The following TRAF2 variants were observed in gnomAD, a reference collection of about 807,000 sequenced individuals.
TRAF2 encodes TNF receptor associated factor 2, also known as TNF receptor-associated factor 2.
TRAF2 carries 6 observed loss-of-function variants against 55.6 expected under a neutral mutation model. That is an observed-to-expected ratio of 0.11 (90% CI 0.06 to 0.21). The LOEUF is 0.21. Among genes scored for constraint, TRAF2 ranks in the 10% least tolerant of loss-of-function variants. The pLI, the probability that TRAF2 is intolerant of heterozygous loss-of-function variation, is 1.00. For missense variants in TRAF2, 561 were observed against 684.5 expected (o/e 0.82, Z 2.01); for synonymous variants, 329 against 276.3 (o/e 1.19, Z -1.89).
chr9:136,926,385 C>T lies in TRAF2; in HGVS notation c.*484C>T, dbSNP rs910643209. ...AGGCTGAGCAGCTTGGTTCTCCCCT[C>T]TGGCCCCTGGAGAGAAGGGAGCATT... On this transcript the variant is annotated 3_prime_UTR_variant, in exon 11 of 11. Coordinates refer to ENST00000247668, the MANE Select transcript of TRAF2 (RefSeq NM_021138.4). 6.3e-5 allele frequency: 19 copies of T among 300,838 alleles called. No individual in the cohort carries two copies. Among genetic ancestry groups the T allele is most frequent in the Non-Finnish European group, 1.3e-5 (2 of 154,116 alleles). The allele number at this position is 300,838 out of a possible 1,614,324, so 18.6% of individuals were successfully genotyped here.
chr9:136,924,027 A>G (rs372478004), intron 10 of TRAF2, 27 bp downstream of exon 10: 3 of 1,609,148 alleles, frequency 1.9e-6, no homozygotes, highest in Admixed American at 1.7e-5. Flanking sequence ...AGGCTTCGCT[A>G]GGGCCGCACC....
intron 6 of TRAF2, among the ~76,000 whole-genome samples, chr9:136,916,225 C>T (rs968916928): frequency 7.2e-5 from 11 of 152,070 alleles, no homozygotes; most frequent in African/African-American, 2.4e-4. Flanking sequence ...GCCCTGAGGC[C>T]TCAGCACCGC....
chr9:136,916,713 C>T, intron 7 of TRAF2, 98 bp downstream of exon 7: 1 of 1,183,440 alleles, frequency 8.4e-7, no homozygotes, highest in South Asian at 1.2e-5. Context: ...CCAGCTGCTC[C>T]TCAGCCACCT....
At chr9:136,900,307 G>T (rs1207115597) in intron 3 of TRAF2, 115 bp from the exon 4 acceptor site, 1 of 641,774 alleles carries the variant, frequency 1.6e-6, no homozygotes. Flanking sequence ...TCCTGGAGTG[G>T]CCTGGAAAGG....
intron 9 of TRAF2, among the ~76,000 whole-genome samples, chr9:136,922,720 G>GT (rs1305430895): frequency 7.0e-6 from 1 of 143,266 alleles, no homozygotes; most frequent in African/African-American, 2.6e-5. Flanking sequence ...TGGGCACGTG[G>GT]TGGAGGACGG....
At chr9:136,899,300 T>C (rs1243440061) in intron 2 of TRAF2, among the ~76,000 whole-genome samples, 1 of 152,240 alleles carries the variant, frequency 6.6e-6, no homozygotes, top group Admixed American at 6.5e-5. Flanking sequence ...GTGTGGCCTG[T>C]GCACATCGGC....
At chr9:136,898,971 G>A in intron 2 of TRAF2, 43 bp downstream of exon 2, 1 of 1,548,990 alleles carries the variant, frequency 6.5e-7, no homozygotes, top group Non-Finnish European at 8.7e-7. Context: ...AGGCAGGCTA[G>A]GCTGGTTTTA....
intron 1 of TRAF2, 199 bp downstream of exon 1, chr9:136,886,740 A>G: frequency 3.3e-6 from 1 of 300,074 alleles, no homozygotes; most frequent in Non-Finnish European, 4.9e-6. Flanking sequence ...CCGGAAACCA[A>G]GTCCGAGCGT....
At chr9:136,905,207 C>G (rs1397615734) in intron 4 of TRAF2, among the ~76,000 whole-genome samples, 2 of 152,260 alleles carry the variant, frequency 1.3e-5, no homozygotes, top group Non-Finnish European at 2.9e-5. Context: ...GCCCCGCAGC[C>G]AGGTCCTCTG....
At chr9:136,899,777 C>G in intron 3 of TRAF2, 105 bp downstream of exon 3, 1 of 1,113,754 alleles carries the variant, frequency 9.0e-7, no homozygotes, top group Non-Finnish European at 1.3e-6. Context: ...GTAATCCCAG[C>G]ACTTTGGGAG....
rs763599580 is a variant in TRAF2, at chr9:136,909,982, C to T, written c.591C>T (p.Ile197=). ...GTGACGGCTGCGGCAAGAAGAAGATCCCCCGGGAGAAGGTGAGTGTCCTTC... is the reference window on the plus strand; with the variant it reads ...GTGACGGCTGCGGCAAGAAGAAGATTCCCCGGGAGAAGGTGAGTGTCCTTC... ...LTCDGCGKKK[I]PREKFQDHVK... The change falls in exon 6 of 11, where the codon ATC becomes ATT. Residue 197 remains isoleucine, a synonymous_variant. Coordinates refer to ENST00000247668, the MANE Select transcript of TRAF2 (RefSeq NM_021138.4). 5.0e-6 allele frequency: 8 copies of T among 1,613,920 alleles called. No homozygotes were observed. Among genetic ancestry groups the T allele is most frequent in the Non-Finnish European group, 6.8e-6 (8 of 1,179,920 alleles).
At chr9:136,890,175 C>T (rs1303688480) in intron 1 of TRAF2, among the ~76,000 whole-genome samples, 1 of 142,348 alleles carries the variant, frequency 7.0e-6, no homozygotes, top group African/African-American at 2.6e-5. Context: ...CCCCACCGCA[C>T]GCTCGTTCAG....
In TRAF2 at chr9:136,898,725, G is replaced by C. The variant is rs376785145; in HGVS notation, c.-16G>C. 6.2e-7 allele frequency: 1 copy of C among 1,612,744 alleles called. No individual in the cohort carries two copies. The highest frequency in any genetic ancestry group is 1.1e-5 in the South Asian group (1 of 91,056). Reference sequence around the variant, plus strand: ...TGTTCTTCCTTAGGGCTTTGTTCGCGGGGGTCACAGCTCTCATGGCTGCAG... The same window carrying C: ...TGTTCTTCCTTAGGGCTTTGTTCGCCGGGGTCACAGCTCTCATGGCTGCAG... On this transcript the variant is annotated 5_prime_UTR_variant, in exon 2 of 11. Transcript: ENST00000247668.
chr9:136,919,042 A>ATATTTATTTATTTATT (rs57654341), intron 7 of TRAF2, among the ~76,000 whole-genome samples: 67,425 of 138,094 alleles, frequency 0.49, 17,133 homozygotes, highest in East Asian at 0.57. Context: ...GCCTATTTTA[A>ATATTTATTTATTTATT]TATTTATTTA....
At chr9:136,886,258 G>T (rs867918953), upstream of TRAF2, 9 of 358,312 alleles carry the variant, frequency 2.5e-5, no homozygotes, top group African/African-American at 1.8e-4. Context: ...GCTCTTTGAG[G>T]AAAAAGCAGA....
chr9:136,886,272 C>A (rs1460381817), upstream of TRAF2: 2 of 451,582 alleles, frequency 4.4e-6, no homozygotes, highest in Non-Finnish European at 5.8e-6. Context: ...AAGCAGAGGG[C>A]GACTTAGGTA....
chr9:136,911,733 G>T (rs1850111089), intron 6 of TRAF2, among the ~76,000 whole-genome samples: 1 of 152,118 alleles, frequency 6.6e-6, no homozygotes, highest in East Asian at 1.9e-4. Context: ...CTGCATGTAT[G>T]TGCAGGGTGT....
intron 1 of TRAF2, among the ~76,000 whole-genome samples, chr9:136,895,796 A>G (rs1365881615): frequency 6.7e-6 from 1 of 150,262 alleles, no homozygotes; most frequent in Non-Finnish European, 1.5e-5. Context: ...TTGCAGTGAC[A>G]GATTGCTCCA....
Position 136,894,174 on chromosome 9 carries a change from G to T in TRAF2, c.-28-4539G>T, listed in dbSNP as rs899025076. On this transcript the variant is annotated intron_variant, in intron 1 of 10. Coordinates refer to ENST00000247668, the MANE Select transcript of TRAF2 (RefSeq NM_021138.4). Reference sequence around the variant, plus strand: ...CAATTCTCCTGCTTCAGCCTCCACAGTAGCTGGGATTACAGGCACACACCA... The same window carrying T: ...CAATTCTCCTGCTTCAGCCTCCACATTAGCTGGGATTACAGGCACACACCA... Among the ~76,000 whole-genome samples, 5 of 150,886 alleles carry T rather than the reference G, an allele frequency of 3.3e-5. No homozygotes were observed. In the Admixed American group the frequency reaches 3.3e-4, roughly 10 times the overall value.
Sources: gnomAD v4.1 joint callset for allele counts (sites outside exome capture counted in the v4.1 genomes callset) on GRCh38, gnomAD v4.1.1 for gene constraint, MANE v1.5 for transcripts, NCBI Gene and HGNC (gene_info 2026-07-23, HGNC 2026-07-21) for gene names.